The following CEP104 variants were observed in gnomAD, a reference collection of about 807,000 sequenced individuals.
CEP104 encodes centrosomal protein of 104 kDa.
A neutral mutation model predicts 113.3 loss-of-function variants in CEP104; 84 were observed. The ratio of observed to expected loss-of-function variants is 0.74; its 90% CI spans 0.62 to 0.89. CEP104 has a LOEUF of 0.89. Among genes scored for constraint, CEP104 ranks in the 40% least tolerant of loss-of-function variants. CEP104 has a pLI of 0.00. For synonymous variants in CEP104, 378 were observed against 421.7 expected (o/e 0.90, Z 1.27); for missense variants, 1,053 against 1,156.6 (o/e 0.91, Z 1.30).
At chr1:3,816,186 G>T in intron 21 of CEP104, 94 bp downstream of exon 21, 3 of 1,058,360 alleles carry the variant, frequency 2.8e-6, no homozygotes, top group South Asian at 1.6e-5. Flanking sequence ...AAAGGGATGG[G>T]GTCTTGCCAT....
At chr1:3,815,698 T>A (rs1224068979) in intron 21 of CEP104, among the ~76,000 whole-genome samples, 181 bp from the exon 22 acceptor site, 1 of 151,886 alleles carries the variant, frequency 6.6e-6, no homozygotes, top group Non-Finnish European at 1.5e-5. Context: ...TATTTTTTTT[T>A]TTTTTGTTGA....
chr1:3,821,903 A>G (rs939496807), intron 20 of CEP104, among the ~76,000 whole-genome samples: 2 of 152,186 alleles, frequency 1.3e-5, no homozygotes, highest in Admixed American at 6.5e-5. Context: ...GGGGCCTTCT[A>G]TGGATCCCGG....
intron 6 of CEP104, among the ~76,000 whole-genome samples, chr1:3,841,340 C>T (rs1644409112): frequency 6.6e-6 from 1 of 152,194 alleles, no homozygotes; most frequent in African/African-American, 2.4e-5. Context: ...CACAGCAGCA[C>T]CACAGGCTGG....
chr1:3,854,635 ATTTTTTT>A (rs34466194), intron 1 of CEP104, among the ~76,000 whole-genome samples: 1 of 126,120 alleles, frequency 7.9e-6, no homozygotes, highest in African/African-American at 3.1e-5. Flanking sequence ...TGCCTGGCTA[ATTTTTTT>A]TTTTTTTTTT....
rs374002795 is a variant in CEP104 at position 3,839,050 on chromosome 1, C to A, written c.805G>T (p.Ala269Ser). 3.1e-6 allele frequency: 5 copies of A among 1,613,994 alleles called. No homozygotes were observed. The highest frequency in any genetic ancestry group is 2.2e-5 in the East Asian group (1 of 44,892). The change falls in exon 8 of 22, where the codon GCC becomes TCC. Residue 269 changes from alanine (A) to serine (S), a missense_variant. Transcript: ENST00000378230. The stretch of plus-strand genomic sequence containing the variant: ...TCCATCTGCTGCTTCTTCTCCTTGG[C>A]GAGATCGTAGTCTTCCTTCTCCACG... ...CAVEKEDYDL[A>S]KEKKQQMEQY...
chr1:3,818,288 T>C (rs1643910625), intron 20 of CEP104, among the ~76,000 whole-genome samples: 1 of 152,164 alleles, frequency 6.6e-6, no homozygotes, highest in South Asian at 2.1e-4. Flanking sequence ...ACCCACTTCT[T>C]ATACACGCTT....
At chr1:3,820,088 G>A (rs894938919) in intron 20 of CEP104, among the ~76,000 whole-genome samples, 1 of 152,142 alleles carries the variant, frequency 6.6e-6, no homozygotes, top group Non-Finnish European at 1.5e-5. Context: ...GGTGTGTGGT[G>A]ATGTGTAAGG....
At chr1:3,840,652 C>T (rs2124679505) in intron 6 of CEP104, among the ~76,000 whole-genome samples, 1 of 152,264 alleles carries the variant, frequency 6.6e-6, no homozygotes, top group South Asian at 2.1e-4. Context: ...AATTCTCATG[C>T]CTCAGCCTCC....
At chr1:3,854,645 T>C (rs1042835972) in intron 1 of CEP104, among the ~76,000 whole-genome samples, 1 of 150,638 alleles carries the variant, frequency 6.6e-6, no homozygotes, top group Non-Finnish European at 1.5e-5. Flanking sequence ...ATTTTTTTTT[T>C]TTTTTTTTTT....
intron 11 of CEP104, 63 bp downstream of exon 11, chr1:3,834,862 C>A (rs1644279261): frequency 3.4e-6 from 5 of 1,468,360 alleles, no homozygotes; most frequent in Admixed American, 4.3e-5. Context: ...CTCTGGTCTT[C>A]TGTGGTACGG....
At chr1:3,821,460 C>T (rs1289494202) in intron 20 of CEP104, among the ~76,000 whole-genome samples, 2 of 152,208 alleles carry the variant, frequency 1.3e-5, no homozygotes, top group Non-Finnish European at 2.9e-5. Context: ...TTCACTCTGC[C>T]TTTCCAATAG....
rs1015058313 is a variant in CEP104, at chr1:3,813,639, A to G, written c.*1763T>C. On this transcript the variant is annotated 3_prime_UTR_variant, in exon 22 of 22. Coordinates refer to ENST00000378230, the MANE Select transcript of CEP104 (RefSeq NM_014704.4). ...GCCAAGGTGGGCAGATTATGAGGTCACGAGTTCGAGACCAGCCTGGCCAAC... is the reference window on the plus strand; with the variant it reads ...GCCAAGGTGGGCAGATTATGAGGTCGCGAGTTCGAGACCAGCCTGGCCAAC... 6.7e-6 allele frequency: 1 copy of G among 149,188 alleles called. No individual in the cohort carries two copies. The highest frequency in any genetic ancestry group is 1.5e-5 in the Non-Finnish European group (1 of 67,316). The allele number at this position is 149,188 out of a possible 1,614,324, so 9.2% of individuals were successfully genotyped here.
chr1:3,827,770 C>T lies in CEP104; in HGVS notation c.2152-1026G>A, dbSNP rs77590370. Among the ~76,000 whole-genome samples the T allele has an allele frequency of 6.0e-3, 911 of 152,344 alleles. 10 individuals carry two copies. Among genetic ancestry groups the T allele is most frequent in the African/African-American group, 0.02 (847 of 41,594 alleles). ...GTGGGGCGCAGGTCTGCGCTGGCCT[C>T]GAGGCCCCCACAACCCATGGCCCCC... On this transcript the variant is annotated intron_variant, in intron 15 of 21. Transcript: ENST00000378230.
At position 3,823,624 on chromosome 1, in the gene CEP104, C is replaced by G. The variant is rs1378214984; in HGVS notation, c.2365-62G>C. Reference sequence around the variant, plus strand: ...GAAAGCGGCAGCGCCCTCCAGCCAGCCTGCAGAGCCTGTGAGCGCCTCCCC... The same window carrying G: ...GAAAGCGGCAGCGCCCTCCAGCCAGGCTGCAGAGCCTGTGAGCGCCTCCCC... On this transcript the variant is annotated intron_variant, in intron 18 of 21. Transcript: ENST00000378230. This position sits in a 1 kb window ranked among gnomAD's most constrained non-coding sequence, Gnocchi z 4.1. 5.0e-6 allele frequency: 8 copies of G among 1,606,560 alleles called. No homozygotes were observed. The highest frequency in any genetic ancestry group is 2.2e-5 in the East Asian group (1 of 44,860).
At chr1:3,848,541 A>AAAAAC (rs2124693120) in intron 3 of CEP104, 67 bp downstream of exon 3, 1 of 1,412,404 alleles carries the variant, frequency 7.1e-7, no homozygotes, top group East Asian at 2.3e-5. Context: ...CAAAAAAAAA[A>AAAAAC]AAAAAAGAGC....
intron 2 of CEP104, among the ~76,000 whole-genome samples, chr1:3,850,512 G>A (rs1644590479): frequency 6.6e-6 from 1 of 152,292 alleles, no homozygotes; most frequent in Non-Finnish European, 1.5e-5. Context: ...ACGGCACTGG[G>A]GGTCTCCCTA....
At chr1:3,837,088 TA>T (rs1424219141) in intron 9 of CEP104, 1 of 565,784 alleles carries the variant, frequency 1.8e-6, no homozygotes, top group Non-Finnish European at 3.1e-6. Context: ...CTGATTTTAA[TA>T]AACATGCTCA....
intron 6 of CEP104, among the ~76,000 whole-genome samples, chr1:3,841,730 G>A (rs560419579): frequency 1.2e-3 from 178 of 152,328 alleles, no homozygotes; most frequent in South Asian, 1.9e-3. Context: ...AAAACCCCGG[G>A]CGTGGGGCAG....
chr1:3,856,422 A>C (rs889739101), intron 1 of CEP104, among the ~76,000 whole-genome samples: 2 of 152,254 alleles, frequency 1.3e-5, no homozygotes, highest in East Asian at 1.9e-4. Flanking sequence ...AGCGACTGAA[A>C]GGGCTTCAGA....
Sources: gnomAD v4.1 joint callset for allele counts (sites outside exome capture counted in the v4.1 genomes callset) on GRCh38, gnomAD v4.1.1 for gene constraint, Gnocchi (gnomAD v3.1) non-coding constraint, MANE v1.5 for transcripts, NCBI Gene and HGNC (gene_info 2026-07-23, HGNC 2026-07-21) for gene names.